Variants in CPS1 observed in about 807,000 individuals in gnomAD.
CPS1 encodes the protein carbamoyl-phosphate synthase 1.
A neutral mutation model predicts 174.6 loss-of-function variants in CPS1; 109 were observed. That is an observed-to-expected ratio of 0.62 (90% CI 0.53 to 0.73). CPS1 has a LOEUF of 0.73. Ranked by LOEUF, CPS1 falls within the 30% of genes least tolerant of loss-of-function variation. CPS1 has a pLI of 0.00. For missense variants in CPS1, 1,689 were observed against 1,821.9 expected, an observed-to-expected ratio of 0.93 and a Z score of 1.33; for synonymous variants, 637 against 632.0, an observed-to-expected ratio of 1.01 and a Z score of -0.12.
At chr2:210,539,867 G>A (rs1201533305) in intron 1 of CPS1, among the ~76,000 whole-genome samples, 2 of 152,120 alleles carry the variant, frequency 1.3e-5, no homozygotes, top group Non-Finnish European at 2.9e-5. Flanking sequence ...CCAGACTTGG[G>A]TTATTTTGGG....
At chr2:210,670,990 A>AC (rs1701282602) in intron 34 of CPS1, among the ~76,000 whole-genome samples, 1 of 152,224 alleles carries the variant, frequency 6.6e-6, no homozygotes, top group Non-Finnish European at 1.5e-5. Flanking sequence ...GAAAGGCATA[A>AC]CACAGGTTTA....
chr2:210,481,431 A>G (rs1220505208), intron 1 of CPS1, among the ~76,000 whole-genome samples: 1 of 152,210 alleles, frequency 6.6e-6, no homozygotes, highest in East Asian at 1.9e-4. Context: ...AGGACGCTGA[A>G]TTGTTAATCA....
At chr2:210,556,918 G>C in intron 1 of CPS1, 59 bp downstream of exon 1, 1 of 1,577,410 alleles carries the variant, frequency 6.3e-7, no homozygotes, top group South Asian at 1.1e-5. Context: ...TAGCAGTGAA[G>C]CAAAGGTGTC....
intron 1 of CPS1, among the ~76,000 whole-genome samples, chr2:210,514,773 A>G (rs969930953): frequency 7.3e-6 from 1 of 136,346 alleles, no homozygotes; most frequent in African/African-American, 2.6e-5. Flanking sequence ...CCAGTTCTCA[A>G]TGGGAATGCT....
At chr2:210,480,818 G>A (rs144823381) in intron 1 of CPS1, among the ~76,000 whole-genome samples, 120 of 152,246 alleles carry the variant, frequency 7.9e-4, no homozygotes, top group African/African-American at 2.8e-3. Context: ...CTAAGCTTGA[G>A]TCTAATATCA....
At position 210,677,381 on chromosome 2, in the gene CPS1, A is replaced by G. The variant is rs114322877; in HGVS notation, c.4404+245A>G. 4.2e-3 allele frequency among the ~76,000 whole-genome samples: 633 copies of G among 152,366 alleles called. 4 individuals carry two copies. The highest frequency in any genetic ancestry group is 0.014 in the African/African-American group (596 of 41,592). ...TGGCCATGGCTCTCTCCTTACAATT[A>G]TCCTTTGAATAAAAAGTGACAGCAT... On this transcript the variant is annotated intron_variant, in intron 37 of 37. Transcript: ENST00000233072.
At chr2:210,621,930 A>G (rs920565918) in intron 21 of CPS1, among the ~76,000 whole-genome samples, 2 of 151,986 alleles carry the variant, frequency 1.3e-5, no homozygotes, top group Non-Finnish European at 2.9e-5. Flanking sequence ...CTAACACAAC[A>G]TTAAGAAATC....
intron 1 of CPS1, among the ~76,000 whole-genome samples, chr2:210,494,088 A>G (rs1694932204): frequency 6.6e-6 from 1 of 152,206 alleles, no homozygotes; most frequent in South Asian, 2.1e-4. Flanking sequence ...CTTTACTTCT[A>G]GTCTTCAAGA....
chr2:210,583,445 T>G (rs1697995727), intron 6 of CPS1, among the ~76,000 whole-genome samples: 1 of 152,098 alleles, frequency 6.6e-6, no homozygotes, highest in African/African-American at 2.4e-5. Context: ...CATAGCATGC[T>G]GCAAGGGCAT....
intron 1 of CPS1, among the ~76,000 whole-genome samples, chr2:210,510,762 C>T (rs1031953255): frequency 1.1e-4 from 17 of 151,864 alleles, no homozygotes; most frequent in Non-Finnish European, 2.2e-4. Flanking sequence ...TTTATGCAGC[C>T]AAAAGACACA....
chr2:210,511,668 C>T (rs534469164), intron 1 of CPS1, among the ~76,000 whole-genome samples: 113 of 152,096 alleles, frequency 7.4e-4, no homozygotes, highest in Non-Finnish European at 1.3e-3. Flanking sequence ...GTGATACTCC[C>T]GGTCAAACCT....
chr2:210,618,216 TA>T (rs1699378747), intron 21 of CPS1: 1 of 152,108 alleles, frequency 6.6e-6, no homozygotes, highest in Non-Finnish European at 1.5e-5. Context: ...CTGTTGCATT[TA>T]TTTGCCGACA....
chr2:210,578,004 G>A (rs1274777303), intron 4 of CPS1, among the ~76,000 whole-genome samples: 1 of 151,856 alleles, frequency 6.6e-6, no homozygotes, highest in Non-Finnish European at 1.5e-5. Context: ...GTCTCGTTGG[G>A]CTTCAACATT....
At chr2:210,611,346 A>G (rs1288665134) in intron 19 of CPS1, among the ~76,000 whole-genome samples, 2 of 151,990 alleles carry the variant, frequency 1.3e-5, no homozygotes, top group East Asian at 1.9e-4. Context: ...ATTATTTTAA[A>G]TTGGAGACCA....
chr2:210,555,547 C>A, upstream of CPS1: 1 of 445,426 alleles, frequency 2.2e-6, no homozygotes, highest in Non-Finnish European at 4.5e-6. Context: ...AAACTTTGTT[C>A]CTCTTTAAAA....
At chr2:210,597,847 CAT>C (rs570502678) in intron 13 of CPS1, among the ~76,000 whole-genome samples, 2 of 148,770 alleles carry the variant, frequency 1.3e-5, no homozygotes, top group Non-Finnish European at 3.0e-5. Flanking sequence ...CACACACAAA[CAT>C]ACACACACAC....
intron 1 of CPS1, among the ~76,000 whole-genome samples, chr2:210,479,011 C>T (rs2105937847): frequency 6.7e-6 from 1 of 150,246 alleles, no homozygotes; most frequent in African/African-American, 2.4e-5. Flanking sequence ...CAGAGAATCC[C>T]TCCTTGGTTC....
intron 18 of CPS1, among the ~76,000 whole-genome samples, 187 bp from the exon 19 acceptor site, chr2:210,608,174 A>G (rs1261468369): frequency 6.6e-6 from 1 of 151,866 alleles, no homozygotes; most frequent in African/African-American, 2.4e-5. Flanking sequence ...CTGTGCCTCT[A>G]TACTTTGTAT....
intron 24 of CPS1, among the ~76,000 whole-genome samples, chr2:210,641,756 T>C (rs1223590232): frequency 6.6e-6 from 1 of 152,232 alleles, no homozygotes; most frequent in Non-Finnish European, 1.5e-5. Flanking sequence ...TTGCCATTAA[T>C]ATGCCAGTAT....
Sources: allele counts gnomAD v4.1 joint callset (sites outside exome capture counted in the v4.1 genomes callset), GRCh38; gene constraint gnomAD v4.1.1; transcripts MANE v1.5; gene names NCBI Gene and HGNC (gene_info 2026-07-23, HGNC 2026-07-21).